The following TTN variants were observed in gnomAD, a reference collection of about 807,000 sequenced individuals.
TTN encodes titin.
Under a neutral mutation model 3,223.0 loss-of-function variants are expected in TTN, and 1,525 were observed. The observed-to-expected ratio is 0.47, with a 90% CI of 0.45 to 0.49. TTN has a LOEUF of 0.49. Ranked by LOEUF, TTN falls within the 20% of genes least tolerant of loss-of-function variation. The pLI is 0.00. For missense variants in TTN, 40,786 were observed against 43,424.0 expected, an observed-to-expected ratio of 0.94 and a Z score of 5.40; for synonymous variants, 14,094 against 15,161.0, an observed-to-expected ratio of 0.93 and a Z score of 5.17.
chr2:178,660,521 A>C (rs1179881422), intron 180 of TTN, among the ~76,000 whole-genome samples: 351 of 134,164 alleles, frequency 2.6e-3, no homozygotes, highest in African/African-American at 9.2e-3. Flanking sequence ...TTACACAAAA[A>C]TTAATTCAAG....
At position 178,634,391 on chromosome 2, in the gene TTN, C is replaced by A; in HGVS notation, c.42390G>T (p.Lys14130Asn). ...CTGTGACAAACAACCGAGCTGAGGT[C>A]TTCTTGCCCTCCACCTCAGCAGTAT... ...GVYTAEVEGK[K>N]TSARLFVTGI... Residue 14130 changes from lysine to asparagine, a missense_variant, in exon 230 of 363, where the codon AAG (lysine) becomes AAT (asparagine). Physicochemically the swap from Lys to Asn is moderately conservative, Grantham distance 94. Coordinates refer to ENST00000589042, the MANE Select transcript of TTN (RefSeq NM_001267550.2). This position sits in a 1 kb window ranked among gnomAD's most constrained non-coding sequence, Gnocchi z 4.6. The A allele has an allele frequency of 1.2e-6, 2 of 1,609,784 alleles. No individual in the cohort carries two copies. Among genetic ancestry groups the A allele is most frequent in the Non-Finnish European group, 8.5e-7 (1 of 1,178,744 alleles).
Position 178,733,464 on chromosome 2 carries a change from G to T in TTN, c.15829C>A (p.Pro5277Thr). The T allele has an allele frequency of 6.2e-7, 1 of 1,613,750 alleles. No homozygotes were observed. The highest frequency in any genetic ancestry group is 8.5e-7 in the Non-Finnish European group (1 of 1,179,730). Reference sequence around the variant, plus strand: ...GCCACTGTGTACTCCAGTGTGGCGGGATCTCCTGCTGTCACCTGGATCAGT... The same window carrying T: ...GCCACTGTGTACTCCAGTGTGGCGGTATCTCCTGCTGTCACCTGGATCAGT... ...AELIQVTAGD[P>T]ATLEYTVAGT... is the part of the protein sequence containing the mutation. Residue 5277 changes from proline to threonine, a missense_variant, in exon 54 of 363, where the codon CCC becomes ACC. Pro to Thr is a conservative substitution (Grantham distance 38). Coordinates refer to ENST00000589042, the MANE Select transcript of TTN (RefSeq NM_001267550.2).
chr2:178,544,319 G>C lies in TTN; in HGVS notation c.95910C>G (p.Phe31970Leu). ...HTNATIRNTE[F>L]TVPDLKMGQK... ...GGCCCATTTTAAGGTCTGGCACAGTGAATTCAGTATTTCTTATTGTGGCAT... is the reference window on the plus strand; with the variant it reads ...GGCCCATTTTAAGGTCTGGCACAGTCAATTCAGTATTTCTTATTGTGGCAT... The change falls in exon 345 of 363, where the codon TTC (phenylalanine) becomes TTG (leucine). Residue 31970 changes from phenylalanine (F) to leucine (L), a missense_variant. Coordinates refer to ENST00000589042, the MANE Select transcript of TTN (RefSeq NM_001267550.2). 1 of 1,613,754 alleles carries C rather than the reference G, an allele frequency of 6.2e-7. No individual in the cohort carries two copies. Among genetic ancestry groups the C allele is most frequent in the Non-Finnish European group, 8.5e-7 (1 of 1,179,722 alleles).
At position 178,620,560 on chromosome 2, in the gene TTN, A is replaced by G; in HGVS notation, c.45961T>C (p.Phe15321Leu). Residue 15321 changes from phenylalanine (F) to leucine (L), a missense_variant, in exon 248 of 363, where the codon TTC (phenylalanine) becomes CTC (leucine). Transcript: ENST00000589042. ...IETMEKKSVT[F>L]WCKVNRLNVT... ...TTGAGACGATTCACCTTGCACCAGA[A>G]TGTGACAGATTTCTTCTCCATTGTT... 1 of 1,611,806 alleles carries G rather than the reference A, an allele frequency of 6.2e-7. No individual in the cohort carries two copies. The highest frequency in any genetic ancestry group is 8.5e-7 in the Non-Finnish European group (1 of 1,178,804).
chr2:178,602,507 C>T lies in TTN; in HGVS notation c.54895G>A (p.Asp18299Asn). The change falls in exon 283 of 363, where the codon GAT (aspartate) becomes AAT (asparagine). Residue 18299 changes from aspartate (D) to asparagine (N), a missense_variant. By Grantham distance (23) the Asp-to-Asn change is conservative. Transcript: ENST00000589042. ...TATCCTTTGATTGGGCTGCCACCATCTTTGGCTGGAGGTTTCCATCCTAGT... is the reference window on the plus strand; with the variant it reads ...TATCCTTTGATTGGGCTGCCACCATTTTTGGCTGGAGGTTTCCATCCTAGT... ...ISLGWKPPAK[D>N]GGSPIKGYIV... The T allele has an allele frequency of 6.2e-7, 1 of 1,610,072 alleles. No individual in the cohort carries two copies. The highest frequency in any genetic ancestry group is 8.5e-7 in the Non-Finnish European group (1 of 1,177,960).
At position 178,619,731 on chromosome 2, in the gene TTN, C is replaced by T; in HGVS notation, c.46586G>A (p.Ser15529Asn). Residue 15529 changes from serine (S) to asparagine (N), a missense_variant, in exon 250 of 363, where the codon AGT becomes AAT. Ser to Asn is a conservative substitution (Grantham distance 46). Transcript: ENST00000589042. ...VVQGDKHQMM[S>N]EGKIHRLQIC... The stretch of plus-strand genomic sequence containing the variant: ...CTGTAGTCGATGTATCTTTCCTTCA[C>T]TCATCATCTGGTGTTTATCACCCTG... 1 of 1,612,458 alleles carries T rather than the reference C, an allele frequency of 6.2e-7. No individual in the cohort carries two copies. The highest frequency in any genetic ancestry group is 8.5e-7 in the Non-Finnish European group (1 of 1,178,938).
In TTN at chr2:178,735,661, G is replaced by C. The variant is rs2081317152; in HGVS notation, c.14785C>G (p.Pro4929Ala). The C allele has an allele frequency of 6.2e-7, 1 of 1,613,632 alleles. No homozygotes were observed. The highest frequency in any genetic ancestry group is 8.5e-7 in the Non-Finnish European group (1 of 1,179,806). ...CAGATCTTATAATCTTTCCCTGGGG[G>C]GAGTTTTTGCCCATCTTTGCTCCAC... ...VTWSKDGQKLPPGKDYKICFE... is the reference protein window; with the variant it reads ...VTWSKDGQKLAPGKDYKICFE... The change falls in exon 50 of 363, where the codon CCC (proline) becomes GCC (alanine). Residue 4929 changes from proline to alanine, a missense_variant. By Grantham distance (27) the Pro-to-Ala change is conservative (BLOSUM62 -1). Coordinates refer to ENST00000589042, the MANE Select transcript of TTN (RefSeq NM_001267550.2).
At position 178,732,960 on chromosome 2, in the gene TTN, C is replaced by G; in HGVS notation, c.16216G>C (p.Ala5406Pro). 6.2e-7 allele frequency: 1 copy of G among 1,613,602 alleles called. No homozygotes were observed. Among genetic ancestry groups the G allele is most frequent in the Non-Finnish European group, 8.5e-7 (1 of 1,179,742 alleles). Residue 5406 changes from alanine (A) to proline (P), a missense_variant, in exon 55 of 363, where the codon GCA (alanine) becomes CCA (proline). Ala to Pro is a conservative substitution (Grantham distance 27). Transcript: ENST00000589042. ...AAAGAGGCTGTGCCTTCCACAAATG[C>G]TATCCTGTATCTGTCAGAAGCAGCT... ...EIAASDRYRIAFVEGTASLEI... is the reference protein window; with the variant it reads ...EIAASDRYRIPFVEGTASLEI...
chr2:178,775,160 A>G lies in TTN; in HGVS notation c.6551T>C (p.Val2184Ala). 1 of 1,613,974 alleles carries G rather than the reference A, an allele frequency of 6.2e-7. No individual in the cohort carries two copies. The highest frequency in any genetic ancestry group is 1.1e-5 in the South Asian group (1 of 91,076). The change falls in exon 29 of 363, where the codon GTT (valine) becomes GCT (alanine). Residue 2184 changes from valine (V) to alanine (A), a missense_variant. Coordinates refer to ENST00000589042, the MANE Select transcript of TTN (RefSeq NM_001267550.2). ...ITFTQELQDV[V>A]AKEKDTMATF... ...TGCCATAGTGTCTTTTTCCTTAGCA[A>G]CAACATCTTGTAATTCCTGTGTGAA...
At position 178,591,825 on chromosome 2, in the gene TTN, C is replaced by T. The variant is rs2154185221; in HGVS notation, c.59994G>A (p.Trp19998Ter). The change falls in exon 303 of 363, where the codon TGG becomes TGA. Residue 19998 changes from tryptophan (W) to a stop codon, truncating the protein, a stop_gained. Coordinates refer to ENST00000589042, the MANE Select transcript of TTN (RefSeq NM_001267550.2). LOFTEE classifies it high-confidence loss of function. The part of the protein sequence containing the change: ...DVDKTEVSLV[W>*]NKPDRDGGSP... ...AACCACCATCACGATCCGGCTTATT[C>T]CAGACTAGGGAGACTTCAGTCTTGT... 6.2e-7 allele frequency: 1 copy of T among 1,613,276 alleles called. No homozygotes were observed. Among genetic ancestry groups the T allele is most frequent in the Non-Finnish European group, 8.5e-7 (1 of 1,179,576 alleles).
chr2:178,652,088 A>AT lies in TTN; in HGVS notation c.39295+7dup, dbSNP rs749898527. 2 of 1,613,406 alleles carry AT rather than the reference A, an allele frequency of 1.2e-6. No individual in the cohort carries two copies. Among genetic ancestry groups the AT allele is most frequent in the East Asian group, 4.5e-5 (2 of 44,866 alleles). ...AAAAAACACTAATTTGAATAGTTTC[A>AT]TTATTACCTTCAGGGGGAGGACTTT... On this transcript the variant is annotated splice_region_variant and intron_variant, in intron 204 of 362. Coordinates refer to ENST00000589042, the MANE Select transcript of TTN (RefSeq NM_001267550.2).
At chr2:178,616,682 G>T in intron 256 of TTN, 47 bp downstream of exon 256, 2 of 1,611,766 alleles carry the variant, frequency 1.2e-6, no homozygotes, top group Admixed American at 3.3e-5. Context: ...ACTAATATTT[G>T]TTAATACTGC....
intron 240 of TTN, among the ~76,000 whole-genome samples, chr2:178,627,807 TA>T (rs1486653546): frequency 6.6e-6 from 1 of 152,034 alleles, no homozygotes; most frequent in Non-Finnish European, 1.5e-5. Flanking sequence ...AATGAAAAAA[TA>T]ATATCATTTG....
intron 119 of TTN, among the ~76,000 whole-genome samples, chr2:178,692,796 C>G (rs764384239): frequency 2.1e-4 from 32 of 152,134 alleles, no homozygotes; most frequent in Non-Finnish European, 1.0e-4. Context: ...TTGTCAGGAA[C>G]AGGTAGGAGC....
Position 178,706,488 on chromosome 2 carries a change from T to C in TTN, c.29386A>G (p.Lys9796Glu). 1 of 1,613,718 alleles carries C rather than the reference T, an allele frequency of 6.2e-7. No individual in the cohort carries two copies. Among genetic ancestry groups the C allele is most frequent in the Non-Finnish European group, 8.5e-7 (1 of 1,179,740 alleles). Reference sequence around the variant, plus strand: ...ATTGCTCTAAGATCGCCTTCAATTTTCTCTTGTTTCTTCCTTTCATCCACC... The same window carrying C: ...ATTGCTCTAAGATCGCCTTCAATTTCCTCTTGTTTCTTCCTTTCATCCACC... ...LQVDERKKQEKIEGDLRAMLK... is the reference protein window; with the variant it reads ...LQVDERKKQEEIEGDLRAMLK... Residue 9796 changes from lysine (K) to glutamate (E), a missense_variant, in exon 102 of 363, where the codon AAA (lysine) becomes GAA (glutamate). Physicochemically the swap from Lys to Glu is moderately conservative, Grantham distance 56 (BLOSUM62 1). Coordinates refer to ENST00000589042, the MANE Select transcript of TTN (RefSeq NM_001267550.2).
intron 152 of TTN, among the ~76,000 whole-genome samples, chr2:178,673,245 C>T (rs2067324933): frequency 6.6e-6 from 1 of 151,652 alleles, no homozygotes; most frequent in Non-Finnish European, 1.5e-5. Context: ...AGTTATTATC[C>T]AAGCATTAGG....
Position 178,590,915 on chromosome 2 carries a change from A to C in TTN, c.60810T>G (p.Ser20270Arg). ...CTGGTTTACCAGGAGGAGACGGAGGACTAAATTTATGCTTAGCAACAGTAG... is the reference window on the plus strand; with the variant it reads ...CTGGTTTACCAGGAGGAGACGGAGGCCTAAATTTATGCTTAGCAACAGTAG... Reference protein sequence around the residue: ...STPTVAKHKFSPPSPPGKPVV... With the variant: ...STPTVAKHKFRPPSPPGKPVV... Residue 20270 changes from serine (S) to arginine (R), a missense_variant, in exon 304 of 363, where the codon AGT becomes AGG. By Grantham distance (110) the Ser-to-Arg change is moderately radical (BLOSUM62 -1). Transcript: ENST00000589042. The C allele has an allele frequency of 6.2e-7, 1 of 1,612,780 alleles. No individual in the cohort carries two copies.
Position 178,730,590 on chromosome 2 carries a change from C to T in TTN, c.17943G>A (p.Leu5981=). ...DNTAFLEISQ[L]EGTDSGTYTC... Reference sequence around the variant, plus strand: ...TGTATGTCCCACTGTCTGTACCTTCCAGCTGGCTGATTTCCAAGAAGGCAG... The same window carrying T: ...TGTATGTCCCACTGTCTGTACCTTCTAGCTGGCTGATTTCCAAGAAGGCAG... The change falls in exon 61 of 363, where the codon CTG becomes CTA. Residue 5981 remains leucine, a synonymous_variant. Transcript: ENST00000589042. 1 of 1,613,642 alleles carries T rather than the reference C, an allele frequency of 6.2e-7. No homozygotes were observed. Among genetic ancestry groups the T allele is most frequent in the South Asian group, 1.1e-5 (1 of 91,074 alleles).
Position 178,777,709 on chromosome 2 carries a change from T to C in TTN, c.4475A>G (p.His1492Arg), listed in dbSNP as rs370564790. The change falls in exon 25 of 363, where the codon CAT (histidine) becomes CGT (arginine). Residue 1492 changes from histidine to arginine, a missense_variant. Physicochemically the swap from His to Arg is conservative, Grantham distance 29. Transcript: ENST00000589042. ...CAAAAACTTATCACGCTTACCATCA[T>C]GAAACCAGAACGTCTCTGGCATAGG... is the stretch of plus-strand genomic sequence containing the variant. ...GRPMPETFWF[H>R]DGQQIVNDYT... The C allele has an allele frequency of 6.2e-7, 1 of 1,613,988 alleles. No individual in the cohort carries two copies. Among genetic ancestry groups the C allele is most frequent in the African/African-American group, 1.3e-5 (1 of 74,940 alleles).
Sources: gnomAD v4.1 joint callset for allele counts (sites outside exome capture counted in the v4.1 genomes callset) on GRCh38, gnomAD v4.1.1 for gene constraint, Gnocchi (gnomAD v3.1) non-coding constraint, MANE v1.5 for transcripts, NCBI Gene and HGNC (gene_info 2026-07-23, HGNC 2026-07-21) for gene names.